C1orf185: variants seen among roughly 807,000 people sequenced by gnomAD.
C1orf185 encodes chromosome 1 open reading frame 185.
A neutral mutation model predicts 16.1 loss-of-function variants in C1orf185; 13 were observed. The ratio of observed to expected loss-of-function variants is 0.81; its 90% CI spans 0.53 to 1.28. C1orf185 has a LOEUF of 1.28. C1orf185 is among the 50% of genes most tolerant of loss of function. C1orf185 has a pLI of 0.00. For synonymous variants in C1orf185, 80 were observed against 76.9 expected (o/e 1.04, Z -0.21); for missense variants, 220 against 225.2 (o/e 0.98, Z 0.15).
chr1:51,121,533 A>T (rs373640603), intron 3 of C1orf185, among the ~76,000 whole-genome samples: 1 of 152,294 alleles, frequency 6.6e-6, no homozygotes, highest in South Asian at 2.1e-4. Flanking sequence ...AAAAAATAGT[A>T]TAAAAAGTTT....
At chr1:51,125,476 T>G (rs1011890238) in intron 3 of C1orf185, among the ~76,000 whole-genome samples, 1 of 152,286 alleles carries the variant, frequency 6.6e-6, no homozygotes, top group East Asian at 1.9e-4. Context: ...TTTATTTCTA[T>G]ATTCTTGAAG....
intron 3 of C1orf185, among the ~76,000 whole-genome samples, chr1:51,138,994 G>A (rs1168036757): frequency 1.3e-5 from 2 of 151,898 alleles, no homozygotes; most frequent in African/African-American, 4.8e-5. Flanking sequence ...AGGCCATGAT[G>A]TCTTTTCTTT....
At chr1:51,133,743 C>A (rs1323991925) in intron 3 of C1orf185, among the ~76,000 whole-genome samples, 1 of 152,220 alleles carries the variant, frequency 6.6e-6, no homozygotes, top group Admixed American at 6.5e-5. Context: ...CCAAAAAGAA[C>A]AGAATATACA....
intron 2 of C1orf185, among the ~76,000 whole-genome samples, chr1:51,116,263 C>T (rs1380123774): frequency 6.6e-6 from 1 of 151,798 alleles, no homozygotes; most frequent in Non-Finnish European, 1.5e-5. Flanking sequence ...ATCTTTTCTC[C>T]ACACTTCTAC....
intron 3 of C1orf185, among the ~76,000 whole-genome samples, chr1:51,142,636 A>G (rs888559259): frequency 6.6e-6 from 1 of 152,280 alleles, no homozygotes; most frequent in African/African-American, 2.4e-5. Context: ...TGTGCCTTTC[A>G]AGGGATTTTC....
intron 1 of C1orf185, chr1:51,107,339 T>G (rs986858733): frequency 1.8e-4 from 28 of 152,150 alleles, no homozygotes; most frequent in African/African-American, 6.3e-4. Context: ...AAAAAAGTGT[T>G]TAAGGAAAGA....
At chr1:51,119,808 A>G (rs113494293) in intron 3 of C1orf185, among the ~76,000 whole-genome samples, 1 of 152,162 alleles carries the variant, frequency 6.6e-6, no homozygotes, top group African/African-American at 2.4e-5. Context: ...AAAAACAAAC[A>G]CATTTGTTGA....
At chr1:51,109,515 AT>A (rs36020010) in intron 1 of C1orf185, among the ~76,000 whole-genome samples, 3 of 150,638 alleles carry the variant, frequency 2.0e-5, no homozygotes, top group African/African-American at 7.3e-5. Context: ...CATTTCCCCT[AT>A]TTTTTTTTCT....
At chr1:51,136,564 C>G (rs1307137674) in intron 3 of C1orf185, among the ~76,000 whole-genome samples, 1 of 151,996 alleles carries the variant, frequency 6.6e-6, no homozygotes, top group Non-Finnish European at 1.5e-5. Context: ...ACGCATAGAT[C>G]AACGGAACAG....
At chr1:51,148,907 G>A (rs1646417126), downstream of C1orf185, among the ~76,000 whole-genome samples, 1 of 152,146 alleles carries the variant, frequency 6.6e-6, no homozygotes, top group South Asian at 2.1e-4. Flanking sequence ...AGCAGCCTGG[G>A]CAACAAAGTG....
Position 51,145,307 on chromosome 1 carries a change from A to AAATAATAATAATAATAAT in C1orf185, c.259-407_259-390dup, listed in dbSNP as rs111332471. On this transcript the variant is annotated intron_variant, in intron 3 of 4. Transcript: ENST00000371759. ...GTGACAGAGCAAGACCCTGTCTCTA[A>AAATAATAATAATAATAAT]AATAATAATAATAATAATAATAATA... 3.8e-3 allele frequency among the ~76,000 whole-genome samples: 567 copies of AAATAATAATAATAATAAT among 150,604 alleles called. 1 individual carries two copies. The highest frequency in any genetic ancestry group is 6.8e-3 in the Middle Eastern group (2 of 292).
rs962891464 is a variant in C1orf185 at position 51,107,248 on chromosome 1, A to G, written c.16+4999A>G. 73 of 152,344 alleles carry G rather than the reference A, an allele frequency of 4.8e-4. 1 individual carries two copies. The highest frequency in any genetic ancestry group is 1.4e-3 in the Admixed American group (22 of 15,292). The allele number at this position is 152,344 out of a possible 1,614,324, so 9.4% of individuals were successfully genotyped here. ...GCTGCTCCGAAGGCAGTGAGTCTTA[A>G]TTGATTGTGCACAGTCAGTTGCAGA... is the stretch of plus-strand genomic sequence containing the variant. On this transcript the variant is annotated intron_variant, in intron 1 of 4. Transcript: ENST00000371759.
intron 3 of C1orf185, among the ~76,000 whole-genome samples, chr1:51,138,671 C>T (rs192316064): frequency 1.0e-3 from 158 of 151,678 alleles, no homozygotes; most frequent in African/African-American, 3.7e-3. Context: ...GTATTACAGG[C>T]GTGAGCCACC....
intron 3 of C1orf185, among the ~76,000 whole-genome samples, chr1:51,122,761 C>T (rs978307443): frequency 6.6e-6 from 1 of 152,170 alleles, no homozygotes; most frequent in African/African-American, 2.4e-5. Context: ...TCTGCTCTAA[C>T]CCCTGGCAAC....
chr1:51,140,746 T>C (rs531460739), intron 3 of C1orf185, among the ~76,000 whole-genome samples: 1 of 152,340 alleles, frequency 6.6e-6, no homozygotes, highest in Admixed American at 6.5e-5. Context: ...ATCTAAGTTG[T>C]CTAATTTATT....
At chr1:51,116,592 G>A (rs1309160315) in intron 2 of C1orf185, among the ~76,000 whole-genome samples, 1 of 152,062 alleles carries the variant, frequency 6.6e-6, no homozygotes, top group East Asian at 1.9e-4. Context: ...GGGATTACAA[G>A]CGTGAACCAC....
intron 3 of C1orf185, among the ~76,000 whole-genome samples, chr1:51,120,058 G>C (rs973108027): frequency 6.6e-6 from 1 of 152,142 alleles, no homozygotes; most frequent in Non-Finnish European, 1.5e-5. Context: ...AGAGAAGTTT[G>C]TCGGGAAGAA....
chr1:51,102,593 C>A (rs1646040403), intron 1 of C1orf185, among the ~76,000 whole-genome samples: 1 of 151,984 alleles, frequency 6.6e-6, no homozygotes, highest in Non-Finnish European at 1.5e-5. Context: ...TTAACCTCTG[C>A]TCTATCTGTG....
At chr1:51,116,514 A>ATGTTGTCCAGGT (rs1553162535) in intron 2 of C1orf185, among the ~76,000 whole-genome samples, 1 of 151,910 alleles carries the variant, frequency 6.6e-6, no homozygotes, top group East Asian at 1.9e-4. Flanking sequence ...GGGTTTTGCT[A>ATGTTGTCCAGGT]TGTTGTCCAG....
Sources: allele counts gnomAD v4.1 joint callset (sites outside exome capture counted in the v4.1 genomes callset), GRCh38; gene constraint gnomAD v4.1.1; transcripts MANE v1.5; gene names NCBI Gene and HGNC (gene_info 2026-07-23, HGNC 2026-07-21).